The following PHF21A variants were observed in gnomAD, a reference collection of about 807,000 sequenced individuals.
PHF21A encodes the protein PHD finger protein 21A.
Under a neutral mutation model 82.5 loss-of-function variants are expected in PHF21A, and 11 were observed. That is an observed-to-expected ratio of 0.13 (90% CI 0.08 to 0.22). PHF21A has a LOEUF of 0.22. Ranked by LOEUF, PHF21A falls within the 10% of genes least tolerant of loss-of-function variation. The pLI is 1.00. For missense variants in PHF21A, 579 were observed against 837.8 expected (o/e 0.69, Z 3.81); for synonymous variants, 297 against 302.8 (o/e 0.98, Z 0.20).
At chr11:45,966,203 T>G (rs2093425581) in intron 9 of PHF21A, among the ~76,000 whole-genome samples, 1 of 151,836 alleles carries the variant, frequency 6.6e-6, no homozygotes, top group Admixed American at 6.6e-5. Context: ...GACTCACACT[T>G]TTACCTCAGA....
chr11:46,082,013 A>C (rs2096798032), intron 4 of PHF21A, among the ~76,000 whole-genome samples: 2 of 152,212 alleles, frequency 1.3e-5, no homozygotes, highest in Admixed American at 1.3e-4. Context: ...TGTGACTTCC[A>C]TCAAATCTAA....
intron 6 of PHF21A, among the ~76,000 whole-genome samples, chr11:45,982,633 G>C (rs972953370): frequency 1.3e-5 from 2 of 152,118 alleles, no homozygotes; most frequent in African/African-American, 4.8e-5. Context: ...GTGACTGCTA[G>C]AACATTTAGA....
chr11:45,982,071 C>T (rs976797511), intron 6 of PHF21A, among the ~76,000 whole-genome samples: 76 of 151,272 alleles, frequency 5.0e-4, no homozygotes, highest in African/African-American at 1.8e-3. Flanking sequence ...ATCCTGTCAC[C>T]TCAACCTACC....
chr11:45,935,886 T>C, intron 17 of PHF21A, 147 bp from the exon 18 acceptor site: 1 of 606,208 alleles, frequency 1.6e-6, no homozygotes, highest in South Asian at 2.1e-5. Flanking sequence ...TCTGCCCACC[T>C]GGACTTTTCC....
chr11:45,964,387 G>A (rs1433851898), intron 10 of PHF21A, among the ~76,000 whole-genome samples: 1 of 151,960 alleles, frequency 6.6e-6, no homozygotes, highest in Non-Finnish European at 1.5e-5. Flanking sequence ...TGGGTTTAAG[G>A]TCTAGTACCC....
intron 4 of PHF21A, among the ~76,000 whole-genome samples, chr11:46,083,905 TTTC>T (rs1263489723): frequency 2.0e-5 from 3 of 152,214 alleles, no homozygotes; most frequent in Non-Finnish European, 4.4e-5. Context: ...AAAAGATTTC[TTTC>T]TTTTTTGTTA....
chr11:46,031,708 CTT>C (rs1286963564), intron 6 of PHF21A, among the ~76,000 whole-genome samples: 1 of 152,106 alleles, frequency 6.6e-6, no homozygotes, highest in Non-Finnish European at 1.5e-5. Flanking sequence ...GGCTGAGACT[CTT>C]TTTTCCTCTG....
intron 1 of PHF21A, among the ~76,000 whole-genome samples, chr11:46,101,825 A>G (rs1036006673): frequency 1.3e-5 from 2 of 151,084 alleles, no homozygotes; most frequent in Non-Finnish European, 2.9e-5. Context: ...TTGTAGAAAC[A>G]GGGTTTCACC....
intron 6 of PHF21A, among the ~76,000 whole-genome samples, chr11:46,024,100 G>A (rs1246595679): frequency 1.3e-5 from 2 of 152,224 alleles, no homozygotes; most frequent in African/African-American, 4.8e-5. Context: ...AAAGGGCAAG[G>A]TGGTGTCTGG....
At chr11:46,076,313 T>G (rs1317131138) in intron 6 of PHF21A, among the ~76,000 whole-genome samples, 1 of 152,204 alleles carries the variant, frequency 6.6e-6, no homozygotes, top group African/African-American at 2.4e-5. Context: ...ATGACCATAC[T>G]TAGAATGGGA....
At chr11:46,054,204 T>A (rs1452729291) in intron 6 of PHF21A, among the ~76,000 whole-genome samples, 1 of 152,164 alleles carries the variant, frequency 6.6e-6, no homozygotes, top group Non-Finnish European at 1.5e-5. Flanking sequence ...CCAACTCATT[T>A]AAAAAAATTT....
chr11:46,040,778 G>C (rs935576777), intron 6 of PHF21A, among the ~76,000 whole-genome samples: 5 of 151,976 alleles, frequency 3.3e-5, no homozygotes, highest in Non-Finnish European at 7.4e-5. Context: ...TTATAACACT[G>C]ATTCTTTCTC....
At chr11:46,066,188 G>A (rs909034903) in intron 6 of PHF21A, among the ~76,000 whole-genome samples, 1 of 152,172 alleles carries the variant, frequency 6.6e-6, no homozygotes, top group African/African-American at 2.4e-5. Context: ...GGTAACAAAG[G>A]TAGTTTCTCT....
At chr11:46,087,320 G>C (rs967577840) in intron 3 of PHF21A, among the ~76,000 whole-genome samples, 2 of 152,132 alleles carry the variant, frequency 1.3e-5, no homozygotes, top group Admixed American at 6.5e-5. Context: ...AGAGTGCCTC[G>C]CACAATAATA....
intron 1 of PHF21A, among the ~76,000 whole-genome samples, chr11:46,119,046 G>T (rs1190930124): frequency 1.3e-5 from 2 of 151,216 alleles, no homozygotes; most frequent in African/African-American, 4.9e-5. Flanking sequence ...CCAGCCCCTC[G>T]CCTTAAAGAA....
intron 6 of PHF21A, among the ~76,000 whole-genome samples, chr11:45,986,420 G>C (rs946782088): frequency 6.6e-6 from 1 of 152,156 alleles, no homozygotes; most frequent in Non-Finnish European, 1.5e-5. Context: ...ACAAGAAAGA[G>C]TGTGGCTGTT....
chr11:46,041,045 C>T (rs928491313), intron 6 of PHF21A, among the ~76,000 whole-genome samples: 1 of 152,034 alleles, frequency 6.6e-6, no homozygotes, highest in African/African-American at 2.4e-5. Flanking sequence ...ATAGGTCGCC[C>T]TCACTGACTT....
intron 6 of PHF21A, among the ~76,000 whole-genome samples, chr11:46,012,272 C>A: frequency 6.6e-6 from 1 of 152,168 alleles, no homozygotes. Flanking sequence ...ACTGACCATG[C>A]TCTTCTTGGG....
intron 10 of PHF21A, among the ~76,000 whole-genome samples, chr11:45,960,645 A>T (rs1204266200): frequency 6.6e-6 from 1 of 152,210 alleles, no homozygotes; most frequent in Non-Finnish European, 1.5e-5. Context: ...AATATACTAA[A>T]TGCCACTGAA....
Sources: gnomAD v4.1 joint callset for allele counts (sites outside exome capture counted in the v4.1 genomes callset) on GRCh38, gnomAD v4.1.1 for gene constraint, MANE v1.5 for transcripts, NCBI Gene and HGNC (gene_info 2026-07-23, HGNC 2026-07-21) for gene names.